MIB1: variants seen among roughly 807,000 people sequenced by gnomAD.
MIB1 encodes the protein MIB E3 ubiquitin protein ligase 1, also known as E3 ubiquitin-protein ligase MIB1.
MIB1 carries 278 observed loss-of-function variants against 124.5 expected under a neutral mutation model. The ratio of observed to expected loss-of-function variants is 2.23; its 90% confidence interval spans 2.02 to 2.47. The LOEUF (loss-of-function observed/expected upper bound fraction) is 2.47, where lower values mean the gene tolerates loss of function less well. MIB1 is among the 30% of genes most tolerant of loss of function. The probability of loss-of-function intolerance (pLI) is 0.00; values close to 1 mark genes in which losing one functional copy is unlikely to be tolerated. For synonymous variants in MIB1, 446 were observed against 429.4 expected (o/e 1.04, Z -0.48); for missense variants, 957 against 1,254.4 (o/e 0.76, Z 3.58).
Position 21,869,847 on chromosome 18 carries a change from T to G in MIB1, c.*5181T>G, listed in dbSNP as rs992670081. The G allele has an allele frequency of 1.1e-4, 16 of 152,082 alleles. No individual in the cohort carries two copies. Among genetic ancestry groups the G allele is most frequent in the African/African-American group, 3.9e-4 (16 of 41,436 alleles). 9.4% of individuals were successfully genotyped at this position (152,082 alleles called of 1,614,324 possible). ...GGATTCTGTTGTAAAAAATTATTTT[T>G]AAAGGAAATCACAAATTGTATGTCA... On this transcript the variant is annotated 3_prime_UTR_variant, in exon 21 of 21. Coordinates refer to ENST00000261537, the MANE Select transcript of MIB1 (RefSeq NM_020774.4).
chr18:21,792,746 A>G (rs2041521910), intron 7 of MIB1, among the ~76,000 whole-genome samples: 1 of 152,208 alleles, frequency 6.6e-6, no homozygotes, highest in South Asian at 2.1e-4. Flanking sequence ...AAGATGAGGA[A>G]ATCAGAGGTG....
At chr18:21,804,360 T>A (rs1196108574) in intron 10 of MIB1, among the ~76,000 whole-genome samples, 1 of 152,248 alleles carries the variant, frequency 6.6e-6, no homozygotes, top group African/African-American at 2.4e-5. Context: ...TCTTTCCTGA[T>A]CTCTGTGACA....
At chr18:21,851,436 CT>C (rs1189738528) in intron 17 of MIB1, among the ~76,000 whole-genome samples, 1 of 151,944 alleles carries the variant, frequency 6.6e-6, no homozygotes, top group Middle Eastern at 3.2e-3. Flanking sequence ...AATTTATAAT[CT>C]ATAGAAAAGT....
intron 12 of MIB1, among the ~76,000 whole-genome samples, chr18:21,837,495 G>A (rs1477725804): frequency 6.6e-6 from 1 of 152,202 alleles, no homozygotes; most frequent in African/African-American, 2.4e-5. Flanking sequence ...TCGACAGAGC[G>A]AGACTCCGTC....
At chr18:21,831,009 G>C (rs2041974442) in intron 12 of MIB1, among the ~76,000 whole-genome samples, 1 of 151,010 alleles carries the variant, frequency 6.6e-6, no homozygotes, top group Non-Finnish European at 1.5e-5. Flanking sequence ...AAAAAAGGTT[G>C]CTACAAAGGC....
At chr18:21,837,352 C>T (rs558823936) in intron 12 of MIB1, among the ~76,000 whole-genome samples, 4 of 152,208 alleles carry the variant, frequency 2.6e-5, no homozygotes, top group African/African-American at 9.6e-5. Context: ...ACTGAAAATA[C>T]AAAAAATTAG....
intron 1 of MIB1, among the ~76,000 whole-genome samples, chr18:21,724,947 T>C (rs1478161392): frequency 3.4e-5 from 5 of 146,800 alleles, no homozygotes; most frequent in African/African-American, 1.3e-4. Context: ...TACAAAAAAT[T>C]AGCTGGGCAT....
intron 3 of MIB1, among the ~76,000 whole-genome samples, chr18:21,769,998 G>GT (rs2041207190): frequency 1.3e-5 from 2 of 152,250 alleles, no homozygotes; most frequent in South Asian, 4.2e-4. Flanking sequence ...GAGGTCAGGA[G>GT]TTTGAGACTA....
At position 21,741,023 on chromosome 18, in the gene MIB1, G is replaced by A. The variant is rs1216404046; in HGVS notation, c.-561G>A. 5.9e-5 allele frequency among the ~76,000 whole-genome samples: 9 copies of A among 151,744 alleles called. No homozygotes were observed. The highest frequency in any genetic ancestry group is 1.0e-4 in the Non-Finnish European group (7 of 67,884). On this transcript the variant is annotated 5_prime_UTR_variant, in exon 1 of 21. Transcript: ENST00000261537. The surrounding 1 kb of genome is among the most constrained non-coding windows in gnomAD (Gnocchi z 5.4). Reference sequence around the variant, plus strand: ...GCGGCGGCTGGTGCGGGGGCAGAGAGAAGGGGGCCTGAGGGCCCGGGCGCT... The same window carrying A: ...GCGGCGGCTGGTGCGGGGGCAGAGAAAAGGGGGCCTGAGGGCCCGGGCGCT...
intron 1 of MIB1, among the ~76,000 whole-genome samples, chr18:21,749,136 G>C (rs569821762): frequency 6.6e-6 from 1 of 152,104 alleles, no homozygotes; most frequent in East Asian, 1.9e-4. Context: ...TGTGTTTTCT[G>C]TATTCCTTAT....
At position 21,773,189 on chromosome 18, in the gene MIB1, G is replaced by A. The variant is rs537400610; in HGVS notation, c.532-435G>A. Among the ~76,000 whole-genome samples, 4 of 152,180 alleles carry A rather than the reference G, an allele frequency of 2.6e-5. No homozygotes were observed. The South Asian group carries it at 6.2e-4, about 24-fold the overall frequency. Reference sequence around the variant, plus strand: ...GCTGAGGCAGGAGAAGCTTGAACCCGGGAGGCGGAGGTTGCATTGAGCCAG... The same window carrying A: ...GCTGAGGCAGGAGAAGCTTGAACCCAGGAGGCGGAGGTTGCATTGAGCCAG... On this transcript the variant is annotated intron_variant, in intron 3 of 20. Transcript: ENST00000261537.
At chr18:21,745,243 T>A (rs2040898469) in intron 1 of MIB1, among the ~76,000 whole-genome samples, 1 of 152,250 alleles carries the variant, frequency 6.6e-6, no homozygotes, top group African/African-American at 2.4e-5. Flanking sequence ...TACGGTCTGT[T>A]AAAGTGCGGA....
At chr18:21,736,587 C>G, upstream of MIB1, among the ~76,000 whole-genome samples, 1 of 152,156 alleles carries the variant, frequency 6.6e-6, no homozygotes, top group Admixed American at 6.6e-5. Flanking sequence ...GGAGCATGTT[C>G]TAACCCAATG....
intron 13 of MIB1, among the ~76,000 whole-genome samples, chr18:21,840,663 A>ATT (rs1351178011): frequency 0.013 from 28 of 2,126 alleles, no homozygotes; most frequent in African/African-American, 0.02. Flanking sequence ...ATATATATAT[A>ATT]TATTTTTTTT....
intron 1 of MIB1, among the ~76,000 whole-genome samples, chr18:21,725,175 A>G (rs2040735951): frequency 6.6e-6 from 1 of 151,742 alleles, no homozygotes; most frequent in Admixed American, 6.6e-5. Flanking sequence ...CAGTTCTAAT[A>G]CTTATTGCAC....
chr18:21,800,450 A>G (rs1382720068), intron 9 of MIB1, among the ~76,000 whole-genome samples: 3 of 152,122 alleles, frequency 2.0e-5, no homozygotes, highest in Non-Finnish European at 2.9e-5. Flanking sequence ...ACAATTTATA[A>G]GGCAGATGAA....
chr18:21,806,234 T>C (rs1458113747), intron 10 of MIB1, among the ~76,000 whole-genome samples: 1 of 151,622 alleles, frequency 6.6e-6, no homozygotes, highest in Non-Finnish European at 1.5e-5. Context: ...TACAGGGTCT[T>C]GCTCTGCCCT....
chr18:21,844,136 TG>T lies in MIB1; in HGVS notation c.2098del (p.Asp700IlefsTer8). ...CCAAGCTTGATATTCAGGATAAGGA[TG>T]GGGATACTCCTTTGCATGAAGCTCT... ...GAKLDIQDKDGDTPLHEALRH... is the reference protein window; with the variant it reads ...GAKLDIQDKDXDTPLHEALRH... On this transcript the variant is annotated frameshift_variant, in exon 15 of 21. Coordinates refer to ENST00000261537, the MANE Select transcript of MIB1 (RefSeq NM_020774.4). LOFTEE classifies it high-confidence loss of function. 1 of 1,614,054 alleles carries T rather than the reference TG, an allele frequency of 6.2e-7. No homozygotes were observed. Among genetic ancestry groups the T allele is most frequent in the Non-Finnish European group, 8.5e-7 (1 of 1,179,998 alleles).
At chr18:21,814,609 G>A (rs946505915) in intron 10 of MIB1, among the ~76,000 whole-genome samples, 1 of 151,872 alleles carries the variant, frequency 6.6e-6, no homozygotes, top group Non-Finnish European at 1.5e-5. Context: ...GTCTTGCTCT[G>A]TCGCTCAGGC....
Sources: allele counts gnomAD v4.1 joint callset (sites outside exome capture counted in the v4.1 genomes callset), GRCh38; gene constraint gnomAD v4.1.1; non-coding constraint Gnocchi (gnomAD v3.1); transcripts MANE v1.5; gene names NCBI Gene and HGNC (gene_info 2026-07-23, HGNC 2026-07-21).